The following HCN2 variants were observed in gnomAD, a reference collection of about 807,000 sequenced individuals.
HCN2 encodes hyperpolarization activated cyclic nucleotide gated potassium and sodium channel 2.
Under a neutral mutation model 52.3 loss-of-function variants are expected in HCN2, and 20 were observed. The ratio of observed to expected loss-of-function variants is 0.38; its 90% confidence interval spans 0.27 to 0.56. HCN2 has a LOEUF of 0.56. Ranked by LOEUF, HCN2 falls within the 20% of genes least tolerant of loss-of-function variation. HCN2 has a pLI of 0.71. For missense variants in HCN2, 981 were observed against 1,207.7 expected (o/e 0.81, Z 2.78); for synonymous variants, 694 against 537.0 (o/e 1.29, Z -4.04).
At chr19:595,386 G>A (rs1052429744) in intron 1 of HCN2, among the ~76,000 whole-genome samples, 6 of 151,762 alleles carry the variant, frequency 4.0e-5, no homozygotes, top group African/African-American at 4.8e-5. Flanking sequence ...TGTCAGCATG[G>A]GCCTCTCCAG....
At chr19:612,878 C>T (rs933752366) in intron 5 of HCN2, among the ~76,000 whole-genome samples, 1 of 151,290 alleles carries the variant, frequency 6.6e-6, no homozygotes, top group African/African-American at 2.4e-5. Context: ...GGGGGTCTTA[C>T]CGTGTTGCCC....
chr19:604,665 TG>T (rs1204804681), intron 2 of HCN2, among the ~76,000 whole-genome samples: 1 of 21,712 alleles, frequency 4.6e-5, no homozygotes, highest in Non-Finnish European at 8.7e-5. Context: ...AGGGTTGTGC[TG>T]GGCGGGGTCA....
intron 1 of HCN2, among the ~76,000 whole-genome samples, chr19:595,135 G>A (rs535648553): frequency 1.2e-4 from 19 of 152,240 alleles, no homozygotes; most frequent in African/African-American, 4.3e-4. Context: ...CCAGGAGGTT[G>A]AGGCTGCAGT....
intron 4 of HCN2, among the ~76,000 whole-genome samples, 157 bp from the exon 5 acceptor site, chr19:610,101 CG>C (rs1983560617): frequency 6.7e-6 from 1 of 149,824 alleles, no homozygotes; most frequent in South Asian, 2.1e-4. Flanking sequence ...CGCCACAGGC[CG>C]GGGGGCTGTC....
intron 7 of HCN2, among the ~76,000 whole-genome samples, chr19:615,470 C>G (rs1412440101): frequency 6.6e-6 from 1 of 152,134 alleles, no homozygotes; most frequent in Admixed American, 6.5e-5. Flanking sequence ...GCCGAGATCG[C>G]GCCACTGCAC....
chr19:615,919 C>A lies in HCN2; in HGVS notation c.2115C>A (p.Ala705=). 6.2e-7 allele frequency: 1 copy of A among 1,611,884 alleles called. No individual in the cohort carries two copies. The highest frequency in any genetic ancestry group is 1.7e-5 in the Admixed American group (1 of 59,998). Residue 705 remains alanine, a synonymous_variant, in exon 8 of 8, where the codon GCC becomes GCA. Coordinates refer to ENST00000251287, the MANE Select transcript of HCN2 (RefSeq NM_001194.4). ...ACGACCGCGAGATGGTGCAGCAGGCCGAGCTGGGTCAGCGCGTGGGCCTCT... is the reference window on the plus strand; with the variant it reads ...ACGACCGCGAGATGGTGCAGCAGGCAGAGCTGGGTCAGCGCGTGGGCCTCT... The part of the protein sequence containing the change: ...VKYDREMVQQ[A]ELGQRVGLFP...
Position 592,189 on chromosome 19 carries a change from C to T in HCN2, c.632+1612C>T, listed in dbSNP as rs762467704. Among the ~76,000 whole-genome samples, 31 of 152,206 alleles carry T rather than the reference C, an allele frequency of 2.0e-4. No homozygotes were observed. Among genetic ancestry groups the T allele is most frequent in the Non-Finnish European group, 3.8e-4 (26 of 68,022 alleles). On this transcript the variant is annotated intron_variant, in intron 1 of 7. Coordinates refer to ENST00000251287, the MANE Select transcript of HCN2 (RefSeq NM_001194.4). The surrounding 1 kb of genome is among the most constrained non-coding windows in gnomAD (Gnocchi z 4.8). ...GTGGCACCCCCTGACCGGAGAGGGACGCGGTGGAGAGGGAGCTGTAGAACG... is the reference window on the plus strand; with the variant it reads ...GTGGCACCCCCTGACCGGAGAGGGATGCGGTGGAGAGGGAGCTGTAGAACG...
In HCN2 at chr19:603,573, T is replaced by G; in HGVS notation, c.662T>G (p.Phe221Cys). The G allele has an allele frequency of 4.4e-6, 7 of 1,608,888 alleles. No homozygotes were observed. Among genetic ancestry groups the G allele is most frequent in the Non-Finnish European group, 4.2e-6 (5 of 1,176,938 alleles). The change falls in exon 2 of 8, where the codon TTC (phenylalanine) becomes TGC (cysteine). Residue 221 changes from phenylalanine to cysteine, a missense_variant. Phe to Cys is a radical substitution (Grantham distance 205, BLOSUM62 -2). This residue lies in a region of HCN2 where 282 missense variants were observed against 553.8 expected (regional missense o/e 0.51). Coordinates refer to ENST00000251287, the MANE Select transcript of HCN2 (RefSeq NM_001194.4). ...RFYWDFTMLL[F>C]MVGNLIIIPV... ...TACTGGGACTTCACCATGCTGCTGT[T>G]CATGGTGGGAAACCTCATCATCATC...
chr19:617,031 A>G lies in HCN2; in HGVS notation c.*557A>G, dbSNP rs993840613. 1 of 522,834 alleles carries G rather than the reference A, an allele frequency of 1.9e-6. No homozygotes were observed. Among genetic ancestry groups the G allele is most frequent in the Non-Finnish European group, 3.5e-6 (1 of 286,488 alleles). 32.4% of individuals were successfully genotyped at this position (522,834 alleles called of 1,614,324 possible). On this transcript the variant is annotated 3_prime_UTR_variant, in exon 8 of 8. Transcript: ENST00000251287. ...CCTGGCTGCGCAGGGCGCGGGGGGG[A>G]GGCTGGGGTCCCGCCGCCGTGATGA...
intron 5 of HCN2, 100 bp downstream of exon 5, chr19:610,505 T>C: frequency 9.4e-7 from 1 of 1,061,256 alleles, no homozygotes; most frequent in South Asian, 1.4e-5. Flanking sequence ...GCGAGGTGCC[T>C]AGGCTGCAGC....
At chr19:613,204 G>C (rs768872198) in intron 5 of HCN2, 44 bp from the exon 6 acceptor site, 9 of 1,567,464 alleles carry the variant, frequency 5.7e-6, no homozygotes, top group Non-Finnish European at 7.8e-6. Context: ...GGGGGAAGCG[G>C]GAGTGGGGTC....
chr19:590,064 C>T lies in HCN2; in HGVS notation c.119C>T (p.Pro40Leu). Reference protein sequence around the residue: ...PPQQQPPPPPPPAPPPGPGPA... With the variant: ...PPQQQPPPPPLPAPPPGPGPA... The stretch of plus-strand genomic sequence containing the variant: ...CAACAGCAGCCGCCGCCGCCGCCGC[C>T]GCCCGCGCCCCCCCCGGGCCCCGGG... The change falls in exon 1 of 8, where the codon CCG becomes CTG. Residue 40 changes from proline to leucine, a missense_variant. Pro to Leu is a moderately conservative substitution (Grantham distance 98, BLOSUM62 -3). Coordinates refer to ENST00000251287, the MANE Select transcript of HCN2 (RefSeq NM_001194.4). The surrounding 1 kb of genome is among the most constrained non-coding windows in gnomAD (Gnocchi z 7.2). The T allele has an allele frequency of 3.1e-6, 2 of 642,052 alleles. No individual in the cohort carries two copies. The highest frequency in any genetic ancestry group is 3.8e-6 in the Non-Finnish European group (2 of 524,850). The allele number at this position is 642,052 out of a possible 1,614,324, so 39.8% of individuals were successfully genotyped here.
intron 1 of HCN2, among the ~76,000 whole-genome samples, chr19:595,093 T>G (rs1250288696): frequency 1.3e-5 from 2 of 151,984 alleles, no homozygotes; most frequent in East Asian, 3.9e-4. Context: ...TCCCAGCTAC[T>G]CTGGAGGCTG....
At chr19:613,666 GATGGGGAT>G (rs1568368807) in intron 6 of HCN2, among the ~76,000 whole-genome samples, 178 bp downstream of exon 6, 2,125 of 90,530 alleles carry the variant, frequency 0.023, 252 homozygotes, top group East Asian at 0.061. Flanking sequence ...TGGGGCCGGG[GATGGGGAT>G]GGGGCCGGGG....
intron 4 of HCN2, among the ~76,000 whole-genome samples, chr19:608,604 G>C (rs1282864202): frequency 6.6e-6 from 1 of 152,080 alleles, no homozygotes; most frequent in Non-Finnish European, 1.5e-5. Context: ...CTGGGGAGGG[G>C]ATGCAGGCTG....
chr19:611,036 C>T (rs1983613827), intron 5 of HCN2, among the ~76,000 whole-genome samples: 1 of 150,214 alleles, frequency 6.7e-6, no homozygotes, highest in Non-Finnish European at 1.5e-5. Context: ...GCCTTCTCCC[C>T]TGTGTGTCTC....
Position 613,412 on chromosome 19 carries a change from C to T in HCN2, c.1749C>T (p.Phe583=), listed in dbSNP as rs757564485. The T allele has an allele frequency of 6.8e-6, 11 of 1,612,418 alleles. No homozygotes were observed. The highest frequency in any genetic ancestry group is 5.4e-5 in the African/African-American group (4 of 74,674). The change falls in exon 6 of 8, where the codon TTC becomes TTT. Residue 583 remains phenylalanine (F), a synonymous_variant. Coordinates refer to ENST00000251287, the MANE Select transcript of HCN2 (RefSeq NM_001194.4). ...REGTIGKKMY[F]IQHGVVSVLT... is the part of the protein sequence containing the mutation. ...GCACCATCGGGAAGAAGATGTACTT[C>T]ATCCAGCACGGCGTGGTCAGCGTGC...
chr19:593,778 T>C (rs911874480), intron 1 of HCN2, among the ~76,000 whole-genome samples: 9 of 152,144 alleles, frequency 5.9e-5, no homozygotes, highest in Admixed American at 2.0e-4. Flanking sequence ...AGGACCCAAG[T>C]TCAAGGTTTT....
At position 616,330 on chromosome 19, in the gene HCN2, C is replaced by A; in HGVS notation, c.2526C>A (p.Ser842Arg). The A allele has an allele frequency of 8.5e-7, 1 of 1,183,326 alleles. No individual in the cohort carries two copies. 73.3% of individuals were successfully genotyped at this position (1,183,326 alleles called of 1,614,324 possible). A position where few individuals can be genotyped will look rare whatever the true frequency, so the allele number is the denominator to read the frequency against. ...CCGCGGCCTCCACACGCCCGGCCAG[C>A]AGCTCCACACCGCGCTTGGGGCCCA... ...PGPAASTRPASSSTPRLGPTP... is the reference protein window; with the variant it reads ...PGPAASTRPARSSTPRLGPTP... The change falls in exon 8 of 8, where the codon AGC becomes AGA. Residue 842 changes from serine to arginine, a missense_variant. Physicochemically the swap from Ser to Arg is moderately radical, Grantham distance 110. Coordinates refer to ENST00000251287, the MANE Select transcript of HCN2 (RefSeq NM_001194.4).
Sources: gnomAD v4.1 joint callset for allele counts (sites outside exome capture counted in the v4.1 genomes callset) on GRCh38, gnomAD v4.1.1 for gene constraint, gnomAD v4.1.1 regional missense constraint, Gnocchi (gnomAD v3.1) non-coding constraint, MANE v1.5 for transcripts, NCBI Gene and HGNC (gene_info 2026-07-23, HGNC 2026-07-21) for gene names.